AGMO: variants seen among roughly 807,000 people sequenced by gnomAD.
The protein encoded by AGMO is alkylglycerol monooxygenase, also known as glyceryl-ether monooxygenase.
Under a neutral mutation model 60.2 loss-of-function variants are expected in AGMO, and 75 were observed. That is an observed-to-expected ratio of 1.25 (90% CI 1.03 to 1.51). AGMO has a LOEUF of 1.51. Ranked by LOEUF, AGMO falls within the 40% of genes most tolerant of loss-of-function variation. The probability of loss-of-function intolerance (pLI) is 0.00; values close to 1 mark genes in which losing one functional copy is unlikely to be tolerated. For missense variants in AGMO, 763 were observed against 525.5 expected (o/e 1.45, Z -4.42); for synonymous variants, 261 against 177.1 (o/e 1.47, Z -3.76).
intron 12 of AGMO, among the ~76,000 whole-genome samples, chr7:15,258,919 G>T (rs944899940): frequency 2.6e-5 from 4 of 152,074 alleles, no homozygotes; most frequent in Non-Finnish European, 5.9e-5. Context: ...AAAAGAATCT[G>T]AACAGCAGTC....
intron 2 of AGMO, among the ~76,000 whole-genome samples, chr7:15,558,342 T>C (rs757552520): frequency 6.6e-6 from 1 of 152,026 alleles, no homozygotes; most frequent in African/African-American, 2.4e-5. Flanking sequence ...TAATCGTATA[T>C]ACAGGGCAAT....
the AGMO span, among the ~76,000 whole-genome samples, chr7:15,122,106 C>T: frequency 9.2e-5 from 14 of 152,130 alleles, no homozygotes; most frequent in Non-Finnish European, 1.8e-4. Flanking sequence ...AAACTATCAC[C>T]AAAGTGAACA....
At chr7:15,489,683 C>A (rs1783019164) in intron 3 of AGMO, among the ~76,000 whole-genome samples, 1 of 152,140 alleles carries the variant, frequency 6.6e-6, no homozygotes, top group Non-Finnish European at 1.5e-5. Flanking sequence ...CACACAAAGT[C>A]CCCAGTTGAA....
At chr7:15,501,232 A>G (rs1783379018) in intron 3 of AGMO, among the ~76,000 whole-genome samples, 1 of 152,000 alleles carries the variant, frequency 6.6e-6, no homozygotes. Flanking sequence ...GGACCTGAAT[A>G]TATTTGTTAA....
At chr7:15,385,843 G>C (rs561945444) in intron 9 of AGMO, among the ~76,000 whole-genome samples, 25 of 152,246 alleles carry the variant, frequency 1.6e-4, no homozygotes, top group Admixed American at 3.9e-4. Flanking sequence ...TTCCCTATTT[G>C]ATATGTCCAC....
the AGMO span, among the ~76,000 whole-genome samples, chr7:15,140,452 G>C: frequency 6.6e-6 from 1 of 152,054 alleles, no homozygotes; most frequent in Non-Finnish European, 1.5e-5. Flanking sequence ...AAATATAGTG[G>C]TAATCTCTTG....
At chr7:15,394,284 A>G (rs2128486698) in intron 5 of AGMO, 105 bp from the exon 6 acceptor site, 1 of 884,138 alleles carries the variant, frequency 1.1e-6, no homozygotes, top group Non-Finnish European at 1.8e-6. Flanking sequence ...GATATTGCGA[A>G]TTTCAGGGTT....
chr7:15,407,088 A>G, intron 5 of AGMO, among the ~76,000 whole-genome samples: 1 of 145,208 alleles, frequency 6.9e-6, no homozygotes, highest in African/African-American at 2.5e-5. Flanking sequence ...GTATATATAC[A>G]CATATATACA....
At chr7:15,249,843 A>T (rs1782879960) in intron 12 of AGMO, among the ~76,000 whole-genome samples, 1 of 152,230 alleles carries the variant, frequency 6.6e-6, no homozygotes, top group Admixed American at 6.5e-5. Flanking sequence ...AAGAATTATG[A>T]CTTAATATCA....
intron 12 of AGMO, among the ~76,000 whole-genome samples, chr7:15,343,339 T>C (rs1008446629): frequency 1.6e-4 from 25 of 152,176 alleles, no homozygotes; most frequent in African/African-American, 4.6e-4. Context: ...CGGAAATAAT[T>C]ATAGACAACA....
downstream of AGMO, among the ~76,000 whole-genome samples, chr7:15,198,245 G>GAGAGAGAA: frequency 1.1e-5 from 1 of 94,416 alleles, no homozygotes; most frequent in South Asian, 3.8e-4. Context: ...GAGAGAGAGA[G>GAGAGAGAA]AGAGAGAGAG....
At chr7:15,411,438 G>A (rs543827101) in intron 5 of AGMO, among the ~76,000 whole-genome samples, 5 of 151,962 alleles carry the variant, frequency 3.3e-5, no homozygotes, top group African/African-American at 1.2e-4. Flanking sequence ...CCAAACTCAG[G>A]CACTTTAATC....
intron 3 of AGMO, among the ~76,000 whole-genome samples, chr7:15,529,118 T>C (rs949310008): frequency 1.3e-5 from 2 of 152,124 alleles, no homozygotes; most frequent in South Asian, 2.1e-4. Context: ...ATTGGGGGAA[T>C]TCTTAAAATG....
rs546023455 is a variant in AGMO, at chr7:15,387,745, A to G, written c.823-205T>C. ...TACCATTAAGTGCGTTGTTGTCAAT[A>G]TATCTAAAGTTCAATAAAATTATAA... On this transcript the variant is annotated intron_variant, in intron 8 of 12. Coordinates refer to ENST00000342526, the MANE Select transcript of AGMO (RefSeq NM_001004320.2). 3.3e-5 allele frequency among the ~76,000 whole-genome samples: 5 copies of G among 152,266 alleles called. No homozygotes were observed. The South Asian group carries it at 6.2e-4, about 19-fold the overall frequency.
the AGMO span, among the ~76,000 whole-genome samples, chr7:15,168,724 C>G: frequency 6.6e-6 from 1 of 152,206 alleles, no homozygotes; most frequent in Non-Finnish European, 1.5e-5. Context: ...TATGCACGCT[C>G]TGTCACTAGA....
At chr7:15,501,827 T>G (rs909082858) in intron 3 of AGMO, among the ~76,000 whole-genome samples, 5 of 151,758 alleles carry the variant, frequency 3.3e-5, no homozygotes, top group Non-Finnish European at 5.9e-5. Flanking sequence ...CAAGAATAAA[T>G]AATCCCAGGG....
At position 15,498,004 on chromosome 7, in the gene AGMO, A is replaced by C. The variant is rs536637556; in HGVS notation, c.409+46768T>G. Among the ~76,000 whole-genome samples the C allele has an allele frequency of 3.1e-4, 47 of 152,152 alleles. 1 individual carries two copies. The highest frequency in any genetic ancestry group is 8.3e-4 in the South Asian group (4 of 4,828). On this transcript the variant is annotated intron_variant, in intron 3 of 12. Coordinates refer to ENST00000342526, the MANE Select transcript of AGMO (RefSeq NM_001004320.2). ...TGGTAGCAAGAAGACTCTTCAAGTTATACTATGTATACTGCACCCACAACA... is the reference window on the plus strand; with the variant it reads ...TGGTAGCAAGAAGACTCTTCAAGTTCTACTATGTATACTGCACCCACAACA...
intron 12 of AGMO, among the ~76,000 whole-genome samples, chr7:15,265,855 A>C (rs755796098): frequency 4.5e-4 from 69 of 152,244 alleles, no homozygotes; most frequent in Middle Eastern, 6.8e-3. Context: ...AGCATTCTTC[A>C]CAATAGCCAA....
intron 12 of AGMO, among the ~76,000 whole-genome samples, chr7:15,206,984 T>C (rs1781455755): frequency 6.6e-6 from 1 of 152,188 alleles, no homozygotes; most frequent in Non-Finnish European, 1.5e-5. Flanking sequence ...ATTATTTCAG[T>C]TCCCTAATTT....
Sources: allele counts gnomAD v4.1 joint callset (sites outside exome capture counted in the v4.1 genomes callset), GRCh38; gene constraint gnomAD v4.1.1; transcripts MANE v1.5; gene names NCBI Gene and HGNC (gene_info 2026-07-23, HGNC 2026-07-21).